The following PPIF variants were observed in gnomAD, a reference collection of about 807,000 sequenced individuals.
The protein encoded by PPIF is peptidylprolyl isomerase F, also known as peptidyl-prolyl cis-trans isomerase F, mitochondrial.
A neutral mutation model predicts 20.2 loss-of-function variants in PPIF; 23 were observed. That is an observed-to-expected ratio of 1.14 (90% confidence interval 0.82 to 1.61). PPIF has a LOEUF of 1.61. Among genes scored for constraint, PPIF ranks in the 40% most tolerant of loss-of-function variants. The pLI, the probability that PPIF is intolerant of heterozygous loss-of-function variation, is 0.00. For missense variants in PPIF, 287 were observed against 291.6 expected (o/e 0.98, Z 0.11); for synonymous variants, 113 against 123.1 (o/e 0.92, Z 0.54).
intron 3 of PPIF, 86 bp downstream of exon 3, chr10:79,349,839 C>G: frequency 3.8e-6 from 6 of 1,583,994 alleles, no homozygotes; most frequent in Non-Finnish European, 5.2e-6. Flanking sequence ...GAGGAAGGTG[C>G]TGAGCAGAGC....
rs1856021362 is a variant in PPIF at position 79,354,314 on chromosome 10, G to A, written c.*472G>A. Reference sequence around the variant, plus strand: ...AACACTAACTTCCCCGTGCTGTGGTGTGACCTGAGTTGGTGACACAGGCCA... The same window carrying A: ...AACACTAACTTCCCCGTGCTGTGGTATGACCTGAGTTGGTGACACAGGCCA... On this transcript the variant is annotated 3_prime_UTR_variant, in exon 6 of 6. Coordinates refer to ENST00000225174, the MANE Select transcript of PPIF (RefSeq NM_005729.4). 1 of 161,726 alleles carries A rather than the reference G, an allele frequency of 6.2e-6. No individual in the cohort carries two copies. The highest frequency in any genetic ancestry group is 1.4e-5 in the Non-Finnish European group (1 of 73,268). The allele number at this position is 161,726 out of a possible 1,614,324, so 10.0% of individuals were successfully genotyped here.
intron 2 of PPIF, 135 bp downstream of exon 2, chr10:79,349,241 A>T (rs901645645): frequency 6.9e-6 from 11 of 1,583,798 alleles, no homozygotes; most frequent in Non-Finnish European, 8.6e-6. Flanking sequence ...TGGCTCAGCC[A>T]TTGGGTGCTC....
intron 4 of PPIF, 89 bp from the exon 5 acceptor site, chr10:79,352,227 TG>T: frequency 8.7e-7 from 1 of 1,155,732 alleles, no homozygotes; most frequent in Non-Finnish European, 1.3e-6. Context: ...CGAATGTCCC[TG>T]GTGTGGTTTG....
chr10:79,348,658 C>A (rs974977653), intron 1 of PPIF, among the ~76,000 whole-genome samples: 1 of 152,136 alleles, frequency 6.6e-6, no homozygotes, highest in Non-Finnish European at 1.5e-5. Context: ...GGGGCTTCAG[C>A]CTTCCCTCCC....
chr10:79,352,251 T>C, intron 4 of PPIF, 66 bp from the exon 5 acceptor site: 1 of 1,477,804 alleles, frequency 6.8e-7, no homozygotes, highest in Non-Finnish European at 9.5e-7. Flanking sequence ...CCGTCTGCCC[T>C]TTCAAATGCC....
rs574657401 is a variant in PPIF, at chr10:79,354,778, G to A, written c.*936G>A. On this transcript the variant is annotated 3_prime_UTR_variant, in exon 6 of 6. Coordinates refer to ENST00000225174, the MANE Select transcript of PPIF (RefSeq NM_005729.4). Reference sequence around the variant, plus strand: ...CTTGGAGCTGATCTTTACTGAGCTCGCCGTGGCAGATGCCATGCTCAGGAC... The same window carrying A: ...CTTGGAGCTGATCTTTACTGAGCTCACCGTGGCAGATGCCATGCTCAGGAC... 3.9e-5 allele frequency: 6 copies of A among 152,742 alleles called. No homozygotes were observed. The highest frequency in any genetic ancestry group is 1.3e-4 in the Admixed American group (2 of 15,294). 9.5% of individuals were successfully genotyped at this position (152,742 alleles called of 1,614,324 possible).
At position 79,353,956 on chromosome 10, in the gene PPIF, A is replaced by G. The variant is rs1268316916; in HGVS notation, c.*114A>G. 1 of 1,221,748 alleles carries G rather than the reference A, an allele frequency of 8.2e-7. No individual in the cohort carries two copies. 75.7% of individuals were successfully genotyped at this position (1,221,748 alleles called of 1,614,324 possible). ...CGATACGTGTGCCCACTCCACTGTC[A>G]CAGTGTGCCTGAGGAAGGCTGCTAG... On this transcript the variant is annotated 3_prime_UTR_variant, in exon 6 of 6. Transcript: ENST00000225174.
chr10:79,348,953 A>G, intron 1 of PPIF, 123 bp from the exon 2 acceptor site: 1 of 1,601,684 alleles, frequency 6.2e-7, no homozygotes, highest in Non-Finnish European at 8.5e-7. Flanking sequence ...TGGGAATGGA[A>G]TGTCCACGTG....
chr10:79,353,803 C>T lies in PPIF; in HGVS notation c.585C>T (p.Ser195=), dbSNP rs768295957. 2 of 1,614,250 alleles carry T rather than the reference C, an allele frequency of 1.2e-6. No homozygotes were observed. Among genetic ancestry groups the T allele is most frequent in the East Asian group, 2.2e-5 (1 of 44,894 alleles). Residue 195 remains serine, a synonymous_variant, in exon 6 of 6, where the codon TCC becomes TCT. Coordinates refer to ENST00000225174, the MANE Select transcript of PPIF (RefSeq NM_005729.4). ...TCGGCTCTAAGAGTGGGAGGACATC[C>T]AAGAAGATTGTCATCACAGACTGTG... ...ESFGSKSGRT[S]KKIVITDCGQ... is the part of the protein sequence containing the mutation.
At chr10:79,349,420 G>A (rs901697756) in intron 2 of PPIF, among the ~76,000 whole-genome samples, 1 of 152,256 alleles carries the variant, frequency 6.6e-6, no homozygotes, top group Non-Finnish European at 1.5e-5. Flanking sequence ...CCTTGAGTCC[G>A]TGCCCTGCTG....
chr10:79,352,497 C>T (rs1855996891), intron 5 of PPIF, 105 bp downstream of exon 5: 16 of 1,165,192 alleles, frequency 1.4e-5, no homozygotes, highest in Non-Finnish European at 2.0e-5. Flanking sequence ...GCCTTCTGCT[C>T]TGGGACAGTG....
chr10:79,347,503 A>G lies in PPIF; in HGVS notation c.-46A>G. Reference sequence around the variant, plus strand: ...TCTGGGCGCGCGCGACGTCAGTTTGAGTTCTGTGTTCTCCCCGCCCGTGTC... The same window carrying G: ...TCTGGGCGCGCGCGACGTCAGTTTGGGTTCTGTGTTCTCCCCGCCCGTGTC... On this transcript the variant is annotated 5_prime_UTR_variant, in exon 1 of 6. Transcript: ENST00000225174. The G allele has an allele frequency of 1.6e-6, 2 of 1,264,398 alleles. No individual in the cohort carries two copies. The highest frequency in any genetic ancestry group is 1.6e-5 in the African/African-American group (1 of 64,104). The allele number at this position is 1,264,398 out of a possible 1,614,324, so 78.3% of individuals were successfully genotyped here.
rs1856027137 is a variant in PPIF, at chr10:79,354,769, A to T, written c.*927A>T. 1 of 152,678 alleles carries T rather than the reference A, an allele frequency of 6.5e-6. No individual in the cohort carries two copies. Among genetic ancestry groups the T allele is most frequent in the Admixed American group, 6.5e-5 (1 of 15,282 alleles). 9.5% of individuals were successfully genotyped at this position (152,678 alleles called of 1,614,324 possible). A position where few individuals can be genotyped will look rare whatever the true frequency, so the allele number is the denominator to read the frequency against. Reference sequence around the variant, plus strand: ...GGTCTGTGACTTGGAGCTGATCTTTACTGAGCTCGCCGTGGCAGATGCCAT... The same window carrying T: ...GGTCTGTGACTTGGAGCTGATCTTTTCTGAGCTCGCCGTGGCAGATGCCAT... On this transcript the variant is annotated 3_prime_UTR_variant, in exon 6 of 6. Coordinates refer to ENST00000225174, the MANE Select transcript of PPIF (RefSeq NM_005729.4).
rs61851434 is a variant in PPIF, at chr10:79,352,354, C to T, written c.450C>T (p.Asn150=). The T allele has an allele frequency of 9.3e-4, 1,499 of 1,614,166 alleles. 2 individuals carry two copies. Among genetic ancestry groups the T allele is most frequent in the Non-Finnish European group, 1.1e-3 (1,356 of 1,180,004 alleles). The change falls in exon 5 of 6, where the codon AAC becomes AAT. Residue 150 remains asparagine, a synonymous_variant. Transcript: ENST00000225174. ...TGGCTAATGCTGGTCCTAACACCAA[C>T]GGCTCCCAGTTCTTCATCTGCACCA... ...LSMANAGPNT[N]GSQFFICTIK...
In PPIF at chr10:79,349,691, G is replaced by A; in HGVS notation, c.253G>A (p.Glu85Lys). ...GAACTTCAGAGCCCTGTGCACTGGT[G>A]AGAAGGGCTTCGGCTACAAAGGCTC... ...AENFRALCTG[E>K]KGFGYKGSTF... The change falls in exon 3 of 6, where the codon GAG becomes AAG. Residue 85 changes from glutamate (E) to lysine (K), a missense_variant. Coordinates refer to ENST00000225174, the MANE Select transcript of PPIF (RefSeq NM_005729.4). The A allele has an allele frequency of 3.1e-6, 5 of 1,613,848 alleles. No individual in the cohort carries two copies. The highest frequency in any genetic ancestry group is 2.2e-5 in the East Asian group (1 of 44,888).
At position 79,354,059 on chromosome 10, in the gene PPIF, C is replaced by T. The variant is rs753121; in HGVS notation, c.*217C>T. The T allele has an allele frequency of 0.036, 20,665 of 572,758 alleles. 687 individuals carry two copies. Among genetic ancestry groups the T allele is most frequent in the Admixed American group, 0.13 (4,209 of 31,322 alleles). The allele number at this position is 572,758 out of a possible 1,614,324, so 35.5% of individuals were successfully genotyped here. A position where few individuals can be genotyped will look rare whatever the true frequency, so the allele number is the denominator to read the frequency against. ...TCCTCACGACCTCATTTCTGGGCATCTTTGTGGACATGATGTCACCCACCC... is the reference window on the plus strand; with the variant it reads ...TCCTCACGACCTCATTTCTGGGCATTTTTGTGGACATGATGTCACCCACCC... On this transcript the variant is annotated 3_prime_UTR_variant, in exon 6 of 6. Transcript: ENST00000225174.
intron 5 of PPIF, among the ~76,000 whole-genome samples, chr10:79,352,913 C>T (rs1355485311): frequency 2.0e-5 from 3 of 152,254 alleles, no homozygotes; most frequent in Non-Finnish European, 4.4e-5. Context: ...TTTCAATGCC[C>T]ATGGATTTTA....
chr10:79,351,373 A>T (rs1855979901), intron 3 of PPIF, 114 bp from the exon 4 acceptor site: 2 of 735,252 alleles, frequency 2.7e-6, no homozygotes, highest in Non-Finnish European at 4.4e-6. Flanking sequence ...TGACCCCTTT[A>T]CCTGAGGGGC....
At position 79,351,577 on chromosome 10, in the gene PPIF, G is replaced by C; in HGVS notation, c.406G>C (p.Gly136Arg). 1 of 1,613,968 alleles carries C rather than the reference G, an allele frequency of 6.2e-7. No individual in the cohort carries two copies. Among genetic ancestry groups the C allele is most frequent in the East Asian group, 2.2e-5 (1 of 44,882 alleles). The change falls in exon 4 of 6, where the codon GGG becomes CGG. Residue 136 changes from glycine (G) to arginine (R), a missense_variant. Physicochemically the swap from Gly to Arg is moderately radical, Grantham distance 125 (BLOSUM62 -2). Transcript: ENST00000225174. ...PDENFTLKHV[G>R]PGVLSMANAG... ...CGAGAACTTTACACTGAAGCACGTG[G>C]GGCCAGGTGAGTGGGGGCCTCCTCT...
Sources: gnomAD v4.1 joint callset for allele counts (sites outside exome capture counted in the v4.1 genomes callset) on GRCh38, gnomAD v4.1.1 for gene constraint, MANE v1.5 for transcripts, NCBI Gene and HGNC (gene_info 2026-07-23, HGNC 2026-07-21) for gene names.